The following GMDS variants were observed in gnomAD, a reference collection of about 807,000 sequenced individuals.
GMDS encodes the protein GDP-mannose 4,6-dehydratase, also known as GDP-mannose 4,6 dehydratase.
GMDS carries 20 observed loss-of-function variants against 49.9 expected under a neutral mutation model. The ratio of observed to expected loss-of-function variants is 0.40; its 90% CI spans 0.28 to 0.58. GMDS has a LOEUF of 0.58. Ranked by LOEUF, GMDS falls within the 20% of genes least tolerant of loss-of-function variation. GMDS has a pLI of 0.42. For synonymous variants in GMDS, 177 were observed against 178.6 expected (o/e 0.99, Z 0.07); for missense variants, 362 against 481.4 (o/e 0.75, Z 2.32).
intron 6 of GMDS, among the ~76,000 whole-genome samples, chr6:1,942,180 A>G (rs574246297): frequency 8.5e-5 from 13 of 152,310 alleles, no homozygotes; most frequent in South Asian, 8.3e-4. Context: ...ATGGCCCTGC[A>G]TGGTGAATGG....
intron 7 of GMDS, among the ~76,000 whole-genome samples, chr6:1,922,226 A>G (rs1371390613): frequency 1.3e-5 from 2 of 152,212 alleles, no homozygotes; most frequent in African/African-American, 4.8e-5. Context: ...TAAGATAGAG[A>G]GCTCTCAGCA....
Position 2,099,359 on chromosome 6 carries a change from G to C in GMDS, c.345+16412C>G, listed in dbSNP as rs192237817. Among the ~76,000 whole-genome samples, 8 of 152,076 alleles carry C rather than the reference G, an allele frequency of 5.3e-5. No homozygotes were observed. In the East Asian group the frequency reaches 1.3e-3, roughly 26 times the overall value. On this transcript the variant is annotated intron_variant, in intron 4 of 10. Coordinates refer to ENST00000380815, the MANE Select transcript of GMDS (RefSeq NM_001500.4). The stretch of plus-strand genomic sequence containing the variant: ...CATCCTATACAGTCAATATAGTTAC[G>C]GCATGAAATAGGTTTGTTTGTATTT...
At chr6:1,823,016 G>T (rs145259383) in intron 7 of GMDS, among the ~76,000 whole-genome samples, 1 of 152,152 alleles carries the variant, frequency 6.6e-6, no homozygotes, top group Non-Finnish European at 1.5e-5. Context: ...TATACCACAG[G>T]ATTTCCTTCT....
intron 4 of GMDS, among the ~76,000 whole-genome samples, chr6:2,077,002 G>A (rs1023464760): frequency 1.1e-4 from 16 of 151,912 alleles, no homozygotes; most frequent in Non-Finnish European, 2.2e-4. Flanking sequence ...TTGCTTTGTC[G>A]AAATCTTTAC....
chr6:2,163,186 A>G (rs1471586032), intron 1 of GMDS, among the ~76,000 whole-genome samples: 2 of 152,206 alleles, frequency 1.3e-5, no homozygotes, highest in Non-Finnish European at 2.9e-5. Flanking sequence ...CTGTCCTAAC[A>G]GTGAACAGGG....
At chr6:2,009,942 A>G (rs1445909159) in intron 4 of GMDS, among the ~76,000 whole-genome samples, 1 of 152,186 alleles carries the variant, frequency 6.6e-6, no homozygotes, top group African/African-American at 2.4e-5. Flanking sequence ...TGAAGATATA[A>G]TGGCTGAAAA....
chr6:2,110,673 C>T (rs528615424), intron 4 of GMDS, among the ~76,000 whole-genome samples: 1 of 152,292 alleles, frequency 6.6e-6, no homozygotes, highest in East Asian at 1.9e-4. Flanking sequence ...TCAGCTCCTG[C>T]CACATGGTCA....
intron 1 of GMDS, among the ~76,000 whole-genome samples, chr6:2,201,679 A>G (rs1779541609): frequency 8.5e-6 from 1 of 118,078 alleles, no homozygotes; most frequent in African/African-American, 3.3e-5. Context: ...GTGAAGGATG[A>G]AGAGAGAGCA....
intron 7 of GMDS, among the ~76,000 whole-genome samples, chr6:1,898,146 G>A (rs28662219): frequency 3.4e-5 from 5 of 145,966 alleles, no homozygotes; most frequent in African/African-American, 5.1e-5. Flanking sequence ...GGCCTCCCTT[G>A]CCATCCTGGA....
At chr6:2,229,942 TC>T (rs1781001363) in intron 1 of GMDS, among the ~76,000 whole-genome samples, 1 of 152,144 alleles carries the variant, frequency 6.6e-6, no homozygotes, top group African/African-American at 2.4e-5. Context: ...AGCTTCCACC[TC>T]CACATTCCAA....
intron 1 of GMDS, among the ~76,000 whole-genome samples, chr6:2,205,397 T>C (rs925551810): frequency 6.6e-6 from 1 of 152,224 alleles, no homozygotes; most frequent in Non-Finnish European, 1.5e-5. Flanking sequence ...TCTTACCATG[T>C]CCTCTAATCC....
chr6:2,186,875 A>C (rs1007180386), intron 1 of GMDS, among the ~76,000 whole-genome samples: 1 of 152,230 alleles, frequency 6.6e-6, no homozygotes, highest in Non-Finnish European at 1.5e-5. Flanking sequence ...ATACGTGTAC[A>C]TATATTTCAT....
intron 10 of GMDS, 36 bp downstream of exon 10, chr6:1,624,436 C>T (rs1165527848): frequency 6.3e-7 from 1 of 1,583,986 alleles, no homozygotes; most frequent in Admixed American, 1.7e-5. Context: ...GCCCGGGGCC[C>T]CGCAGCGGGC....
At chr6:2,090,576 G>A (rs1773261021) in intron 4 of GMDS, among the ~76,000 whole-genome samples, 1 of 152,132 alleles carries the variant, frequency 6.6e-6, no homozygotes, top group African/African-American at 2.4e-5. Context: ...AAAACGACCT[G>A]TTTAAAATTG....
chr6:1,964,240 C>T (rs1764132337), intron 4 of GMDS, among the ~76,000 whole-genome samples: 1 of 152,184 alleles, frequency 6.6e-6, no homozygotes, highest in Non-Finnish European at 1.5e-5. Flanking sequence ...ATGGTATTTG[C>T]AGTCTTTTTC....
chr6:1,811,555 CT>C (rs67339222), intron 7 of GMDS, among the ~76,000 whole-genome samples: 1,736 of 119,002 alleles, frequency 0.015, 15 homozygotes, highest in Non-Finnish European at 0.022. Flanking sequence ...ACTAGTCAAG[CT>C]TTTTTTTTTT....
intron 4 of GMDS, among the ~76,000 whole-genome samples, chr6:2,052,133 A>AAAAAAAAAAAAAAAAAAAAAAT (rs1770451175): frequency 6.8e-6 from 1 of 148,022 alleles, no homozygotes; most frequent in African/African-American, 2.5e-5. Flanking sequence ...AAAAAAAAGA[A>AAAAAAAAAAAAAAAAAAAAAAT]AAAAAAAAAA....
chr6:1,821,384 G>GA (rs1256187391), intron 7 of GMDS, among the ~76,000 whole-genome samples: 3 of 151,964 alleles, frequency 2.0e-5, no homozygotes, highest in Admixed American at 6.6e-5. Context: ...TGGGGACGGG[G>GA]GGCAGCTCGC....
At chr6:1,756,796 G>C (rs987365470) in intron 7 of GMDS, among the ~76,000 whole-genome samples, 4 of 152,204 alleles carry the variant, frequency 2.6e-5, no homozygotes, top group African/African-American at 9.6e-5. Flanking sequence ...CATTAGTCTA[G>C]ACGATGCTTC....
Sources: gnomAD v4.1 joint callset for allele counts (sites outside exome capture counted in the v4.1 genomes callset) on GRCh38, gnomAD v4.1.1 for gene constraint, MANE v1.5 for transcripts, NCBI Gene and HGNC (gene_info 2026-07-23, HGNC 2026-07-21) for gene names.